The following GPM6A variants were observed in gnomAD, a reference collection of about 807,000 sequenced individuals.
GPM6A encodes glycoprotein M6A.
A neutral mutation model predicts 32.1 loss-of-function variants in GPM6A; 7 were observed. The observed-to-expected ratio is 0.22, with a 90% CI of 0.12 to 0.41. GPM6A has a LOEUF of 0.41. GPM6A is among the 10% of genes least tolerant of loss of function. GPM6A has a pLI of 1.00. For missense variants in GPM6A, 235 were observed against 347.2 expected, an observed-to-expected ratio of 0.68 and a Z score of 2.57; for synonymous variants, 130 against 123.4, an observed-to-expected ratio of 1.05 and a Z score of -0.35.
chr4:175,871,327 G>C (rs1013769365), intron 1 of GPM6A, among the ~76,000 whole-genome samples: 1 of 151,884 alleles, frequency 6.6e-6, no homozygotes. Flanking sequence ...AAAATTAGCC[G>C]GATGTGGTAG....
At chr4:175,637,736 T>TTA (rs1740870185) in intron 6 of GPM6A, among the ~76,000 whole-genome samples, 1 of 47,740 alleles carries the variant, frequency 2.1e-5, no homozygotes, top group African/African-American at 9.7e-5. Flanking sequence ...ATATTATATA[T>TTA]TATATAAAAA....
chr4:175,651,681 A>T (rs1260763106), intron 4 of GPM6A, 153 bp downstream of exon 4: 1 of 583,234 alleles, frequency 1.7e-6, no homozygotes, highest in African/African-American at 1.9e-5. Flanking sequence ...ATTTAAAGGG[A>T]ATAGCCTTAG....
intron 1 of GPM6A, among the ~76,000 whole-genome samples, chr4:175,757,831 A>G (rs1421297666): frequency 6.6e-6 from 1 of 152,202 alleles, no homozygotes. Flanking sequence ...TTGACTGAAC[A>G]AAGAACCATT....
At chr4:175,794,448 C>A (rs1483792489) in intron 1 of GPM6A, among the ~76,000 whole-genome samples, 1 of 152,182 alleles carries the variant, frequency 6.6e-6, no homozygotes. Context: ...CAATTACACA[C>A]AATAACTTAA....
chr4:175,777,848 A>T (rs898491037), intron 1 of GPM6A, among the ~76,000 whole-genome samples: 33 of 152,148 alleles, frequency 2.2e-4, no homozygotes, highest in Admixed American at 5.2e-4. Context: ...CTAATAAAAA[A>T]TTTTTTTAAT....
intron 1 of GPM6A, among the ~76,000 whole-genome samples, chr4:175,949,756 C>T (rs879323406): frequency 3.3e-5 from 5 of 152,100 alleles, no homozygotes; most frequent in Admixed American, 6.6e-5. Context: ...AAAGCTGAAC[C>T]GACAGGCTTT....
intron 1 of GPM6A, among the ~76,000 whole-genome samples, chr4:175,987,636 C>A (rs866129933): frequency 6.6e-6 from 1 of 151,818 alleles, no homozygotes; most frequent in African/African-American, 2.4e-5. Context: ...TTCATCTCAA[C>A]AACTCCACGA....
At chr4:175,885,890 A>G (rs575075116) in intron 1 of GPM6A, among the ~76,000 whole-genome samples, 2 of 152,332 alleles carry the variant, frequency 1.3e-5, no homozygotes, top group South Asian at 4.1e-4. Flanking sequence ...AACAGTCTTA[A>G]TAAATCTATG....
intron 1 of GPM6A, among the ~76,000 whole-genome samples, chr4:175,737,190 A>G (rs1343404056): frequency 6.6e-6 from 1 of 152,216 alleles, no homozygotes; most frequent in Admixed American, 6.5e-5. Flanking sequence ...CTTCTTGGTC[A>G]CTGTATTAGT....
intron 1 of GPM6A, among the ~76,000 whole-genome samples, chr4:175,707,212 C>T (rs1176070938): frequency 6.6e-6 from 1 of 152,194 alleles, no homozygotes; most frequent in Non-Finnish European, 1.5e-5. Flanking sequence ...TTCCTTTCAC[C>T]TTGCTCTATG....
intron 1 of GPM6A, among the ~76,000 whole-genome samples, chr4:175,932,098 GAA>G (rs545004795): frequency 6.5e-5 from 7 of 108,364 alleles, no homozygotes; most frequent in African/African-American, 6.7e-5. Context: ...TTGCCTCTAG[GAA>G]AAAAAAAAAA....
At chr4:175,746,027 G>C (rs1185284454) in intron 1 of GPM6A, among the ~76,000 whole-genome samples, 5 of 152,114 alleles carry the variant, frequency 3.3e-5, no homozygotes, top group Non-Finnish European at 7.4e-5. Context: ...TTCTCATTAG[G>C]ACCTTAGAAT....
chr4:175,712,361 G>A (rs1383193168), intron 1 of GPM6A, among the ~76,000 whole-genome samples: 2 of 152,158 alleles, frequency 1.3e-5, no homozygotes, highest in Non-Finnish European at 2.9e-5. Flanking sequence ...GCCTGATGCT[G>A]GCTCGTGGTG....
chr4:175,899,656 T>C (rs1392571249), intron 1 of GPM6A, among the ~76,000 whole-genome samples: 1 of 151,936 alleles, frequency 6.6e-6, no homozygotes, highest in Non-Finnish European at 1.5e-5. Flanking sequence ...GCTGGCAAAA[T>C]TGGATATGCG....
chr4:175,807,004 TATTA>T (rs1734722739), intron 1 of GPM6A: 1 of 152,218 alleles, frequency 6.6e-6, no homozygotes, highest in Admixed American at 6.5e-5. Context: ...AGAAGCAAAT[TATTA>T]ATTCTTACAC....
At chr4:175,788,657 G>T (rs1733894267) in intron 1 of GPM6A, among the ~76,000 whole-genome samples, 2 of 152,080 alleles carry the variant, frequency 1.3e-5, no homozygotes, top group African/African-American at 4.8e-5. Flanking sequence ...AGCAGAAAAT[G>T]AAAATTTTAC....
chr4:175,803,539 A>G (rs1734561701), intron 1 of GPM6A, among the ~76,000 whole-genome samples: 1 of 152,196 alleles, frequency 6.6e-6, no homozygotes, highest in South Asian at 2.1e-4. Flanking sequence ...AGTATGTTCC[A>G]GGAATTGTAA....
intron 1 of GPM6A, among the ~76,000 whole-genome samples, chr4:175,979,987 A>C (rs917063677): frequency 1.6e-4 from 25 of 152,218 alleles, no homozygotes; most frequent in Admixed American, 9.2e-4. Flanking sequence ...AATGAAATTT[A>C]TAACAGCTAA....
chr4:175,717,910 G>C (rs575391696), intron 1 of GPM6A, among the ~76,000 whole-genome samples: 5 of 152,256 alleles, frequency 3.3e-5, no homozygotes, highest in African/African-American at 1.2e-4. Context: ...GTGTTATTTA[G>C]TGAAGCAACA....
Sources: gnomAD v4.1 joint callset for allele counts (sites outside exome capture counted in the v4.1 genomes callset) on GRCh38, gnomAD v4.1.1 for gene constraint, MANE v1.5 for transcripts, NCBI Gene and HGNC (gene_info 2026-07-23, HGNC 2026-07-21) for gene names.